SDS: variants seen among roughly 807,000 people sequenced by gnomAD.
SDS encodes the protein serine dehydratase.
A neutral mutation model predicts 29.3 loss-of-function variants in SDS; 19 were observed. The observed-to-expected ratio is 0.65, with a 90% CI of 0.45 to 0.95. SDS has a LOEUF of 0.95. Among genes scored for constraint, SDS ranks in the 40% least tolerant of loss-of-function variants. SDS has a pLI of 0.00. For missense variants in SDS, 375 were observed against 439.9 expected (o/e 0.85, Z 1.32); for synonymous variants, 176 against 189.0 (o/e 0.93, Z 0.56).
chr12:113,398,629 G>A, intron 4 of SDS, 23 bp from the exon 5 acceptor site: 6 of 1,599,998 alleles, frequency 3.8e-6, no homozygotes, highest in Non-Finnish European at 4.3e-6. Flanking sequence ...AGGGGAGATA[G>A]GAGGGGGTGA....
rs1450879913 is a variant in SDS at position 113,392,654 on chromosome 12, C to T, written c.*287G>A. The T allele has an allele frequency of 9.7e-6, 4 of 413,252 alleles. No homozygotes were observed. The highest frequency in any genetic ancestry group is 2.1e-5 in the African/African-American group (1 of 48,304). 25.6% of individuals were successfully genotyped at this position (413,252 alleles called of 1,614,324 possible). On this transcript the variant is annotated 3_prime_UTR_variant, in exon 8 of 8. Coordinates refer to ENST00000257549, the MANE Select transcript of SDS (RefSeq NM_006843.3). ...CTGCTGTGATTCAGGTCTCTCCTGT[C>T]CACCCTGCTCTGGGTACCTGGTGTG...
At position 113,396,699 on chromosome 12, in the gene SDS, G is replaced by A. The variant is rs181544384; in HGVS notation, c.653+466C>T. 1.1e-4 allele frequency: 18 copies of A among 165,404 alleles called. No individual in the cohort carries two copies. In the East Asian group the frequency reaches 2.9e-3, roughly 27 times the overall value. The allele number at this position is 165,404 out of a possible 1,614,324, so 10.2% of individuals were successfully genotyped here. A position where few individuals can be genotyped will look rare whatever the true frequency, so the allele number is the denominator to read the frequency against. On this transcript the variant is annotated intron_variant, in intron 6 of 7. Transcript: ENST00000257549. Reference sequence around the variant, plus strand: ...CACCCAGGCTGGAGTGCACTGGCATGATCATGGCTCACTACAGCCTCAGTC... The same window carrying A: ...CACCCAGGCTGGAGTGCACTGGCATAATCATGGCTCACTACAGCCTCAGTC...
At chr12:113,396,544 C>CCCTTCCCTCCTTCCTT (rs1957647098) in intron 6 of SDS, 1 of 25,776 alleles carries the variant, frequency 3.9e-5, no homozygotes, top group African/African-American at 1.7e-4. Context: ...CTCCCTCTCT[C>CCCTTCCCTCCTTCCTT]CCTTCCTTCC....
chr12:113,402,130 T>G (rs1420343328), intron 1 of SDS, among the ~76,000 whole-genome samples: 1 of 152,120 alleles, frequency 6.6e-6, no homozygotes, highest in Non-Finnish European at 1.5e-5. Context: ...CTATCTGAAT[T>G]AACTGACATT....
At chr12:113,399,467 G>C in intron 2 of SDS, 89 bp downstream of exon 2, 1 of 1,374,506 alleles carries the variant, frequency 7.3e-7, no homozygotes, top group South Asian at 1.5e-5. Flanking sequence ...ATCCTACAAC[G>C]CCTTTAATTT....
intron 6 of SDS, 82 bp from the exon 7 acceptor site, chr12:113,394,098 G>T: frequency 1.4e-6 from 2 of 1,387,876 alleles, no homozygotes; most frequent in Non-Finnish European, 2.0e-6. Context: ...AGAAGGAGAT[G>T]GATGTGAGAC....
At chr12:113,396,409 TTTTC>T (rs780543377) in intron 6 of SDS, among the ~76,000 whole-genome samples, 126 of 150,930 alleles carry the variant, frequency 8.3e-4, no homozygotes, top group African/African-American at 2.5e-3. Flanking sequence ...TCTTTCTCTT[TTTTC>T]TTTCTTTCTC....
At chr12:113,401,663 C>T (rs1054751817) in intron 1 of SDS, among the ~76,000 whole-genome samples, 2 of 152,188 alleles carry the variant, frequency 1.3e-5, no homozygotes, top group African/African-American at 4.8e-5. Context: ...GCAGCTGGCT[C>T]CAGGGCTCAG....
Position 113,397,281 on chromosome 12 carries a change from C to T in SDS, c.537G>A (p.Gly179=). The T allele has an allele frequency of 6.2e-7, 1 of 1,614,212 alleles. No individual in the cohort carries two copies. The highest frequency in any genetic ancestry group is 8.5e-7 in the Non-Finnish European group (1 of 1,180,036). ...CGTCCCCCCAGCCCACCTCCTGCAGCCCCTGGACCACTCCACACAGCAGGC... is the reference window on the plus strand; with the variant it reads ...CGTCCCCCCAGCCCACCTCCTGCAGTCCCTGGACCACTCCACACAGCAGGC... ...GGGLLCGVVQ[G]LQEVGWGDVP... The change falls in exon 6 of 8, where the codon GGG becomes GGA. Residue 179 remains glycine (G), a synonymous_variant. Transcript: ENST00000257549.
chr12:113,392,898 G>C lies in SDS; in HGVS notation c.*43C>G, dbSNP rs745856051. ...GGATAAAACTCCAGCCCCTCCAGGG[G>C]TCTCTTGGGCTAGGAGAGCACAGAT... On this transcript the variant is annotated 3_prime_UTR_variant, in exon 8 of 8. Coordinates refer to ENST00000257549, the MANE Select transcript of SDS (RefSeq NM_006843.3). 3 of 1,573,158 alleles carry C rather than the reference G, an allele frequency of 1.9e-6. No homozygotes were observed. The highest frequency in any genetic ancestry group is 1.4e-5 in the African/African-American group (1 of 73,894).
chr12:113,395,331 G>A (rs748547422), intron 6 of SDS, among the ~76,000 whole-genome samples: 7 of 152,162 alleles, frequency 4.6e-5, no homozygotes, highest in Admixed American at 2.0e-4. Context: ...CAGCCATGAC[G>A]TCTTCAGTCC....
At chr12:113,395,238 C>T (rs1169708156) in intron 6 of SDS, among the ~76,000 whole-genome samples, 3 of 152,194 alleles carry the variant, frequency 2.0e-5, no homozygotes, top group Admixed American at 2.0e-4. Context: ...CCCAGCTCAG[C>T]TGCCCCCTCT....
chr12:113,397,513 A>T (rs980952652), intron 5 of SDS, 121 bp from the exon 6 acceptor site: 5 of 800,476 alleles, frequency 6.2e-6, no homozygotes, highest in Non-Finnish European at 5.9e-6. Context: ...CCCACCCCCA[A>T]CCTTGGCTTC....
At chr12:113,393,241 G>T in intron 7 of SDS, 92 bp from the exon 8 acceptor site, 1 of 1,214,678 alleles carries the variant, frequency 8.2e-7, no homozygotes, top group Non-Finnish European at 1.2e-6. Flanking sequence ...GGAATACTGA[G>T]CCAATCAGCT....
chr12:113,397,850 C>T (rs556613974), intron 5 of SDS, among the ~76,000 whole-genome samples: 112 of 152,252 alleles, frequency 7.4e-4, no homozygotes, highest in African/African-American at 2.5e-3. Context: ...CTTACTTCCC[C>T]ACTCCCCCAC....
intron 1 of SDS, among the ~76,000 whole-genome samples, chr12:113,401,374 T>C (rs1391526139): frequency 3.3e-5 from 5 of 150,226 alleles, no homozygotes; most frequent in South Asian, 2.1e-4. Context: ...TTTTAAATTT[T>C]ATTCATTCAT....
rs762066704 is a variant in SDS at position 113,398,650 on chromosome 12, G to A, written c.334-44C>T. On this transcript the variant is annotated intron_variant, in intron 4 of 7. Coordinates refer to ENST00000257549, the MANE Select transcript of SDS (RefSeq NM_006843.3). Reference sequence around the variant, plus strand: ...GATAGGAGGGGGTGAGGCACAGGGGGCACCCTGTCCAGCCACCAGGCGCCC... The same window carrying A: ...GATAGGAGGGGGTGAGGCACAGGGGACACCCTGTCCAGCCACCAGGCGCCC... 2.5e-6 allele frequency: 4 copies of A among 1,604,586 alleles called. No individual in the cohort carries two copies. The African/African-American group carries it at 5.4e-5, about 21-fold the overall frequency.
chr12:113,398,643 A>T, intron 4 of SDS, 37 bp from the exon 5 acceptor site: 1 of 1,603,120 alleles, frequency 6.2e-7, no homozygotes, highest in Non-Finnish European at 8.5e-7. Flanking sequence ...GGGGTGAGGC[A>T]CAGGGGGCAC....
intron 1 of SDS, among the ~76,000 whole-genome samples, chr12:113,403,136 T>A (rs1043220010): frequency 2.0e-5 from 3 of 152,024 alleles, no homozygotes; most frequent in African/African-American, 7.2e-5. Context: ...GGCTGTTTTT[T>A]AAAAATTTGA....
Sources: allele counts gnomAD v4.1 joint callset (sites outside exome capture counted in the v4.1 genomes callset), GRCh38; gene constraint gnomAD v4.1.1; transcripts MANE v1.5; gene names NCBI Gene and HGNC (gene_info 2026-07-23, HGNC 2026-07-21).